EMCN: variants seen among roughly 807,000 people sequenced by gnomAD.
The protein encoded by EMCN is endomucin, also known as MUC-14.
In EMCN, 37 loss-of-function variants were observed where a neutral mutation model predicts 38.4. The ratio of observed to expected loss-of-function variants is 0.96; its 90% CI spans 0.74 to 1.27. EMCN has a LOEUF of 1.27. Among genes scored for constraint, EMCN ranks in the 50% most tolerant of loss-of-function variants. The probability of loss-of-function intolerance (pLI) is 0.00; values close to 1 mark genes in which losing one functional copy is unlikely to be tolerated. For missense variants in EMCN, 318 were observed against 302.8 expected (o/e 1.05, Z -0.37); for synonymous variants, 95 against 100.8 (o/e 0.94, Z 0.35).
At chr4:100,445,373 C>T (rs1456199554) in intron 5 of EMCN, among the ~76,000 whole-genome samples, 2 of 152,114 alleles carry the variant, frequency 1.3e-5, no homozygotes, top group African/African-American at 4.8e-5. Context: ...TACATAAAAT[C>T]ATCATCAATT....
chr4:100,444,250 C>G (rs552241377), intron 5 of EMCN, among the ~76,000 whole-genome samples: 1 of 152,326 alleles, frequency 6.6e-6, no homozygotes, highest in South Asian at 2.1e-4. Context: ...TGTGCCACAT[C>G]TGTCTGGCCC....
intron 1 of EMCN, among the ~76,000 whole-genome samples, chr4:100,483,681 C>T (rs559146327): frequency 2.0e-5 from 3 of 152,164 alleles, no homozygotes; most frequent in Admixed American, 2.0e-4. Flanking sequence ...CAACTGGAAA[C>T]TTTGTCTTAC....
intron 4 of EMCN, among the ~76,000 whole-genome samples, chr4:100,459,388 T>G (rs1241091075): frequency 6.6e-6 from 1 of 152,300 alleles, no homozygotes. Flanking sequence ...GATTAACATA[T>G]GATCTCACAT....
At chr4:100,448,796 C>T (rs59751000) in intron 4 of EMCN, among the ~76,000 whole-genome samples, 16,956 of 70,562 alleles carry the variant, frequency 0.24, 1,709 homozygotes, top group South Asian at 0.35. Context: ...GCCTTGAAGT[C>T]TTCCTTCCTT....
intron 5 of EMCN, among the ~76,000 whole-genome samples, chr4:100,446,765 C>A (rs1578200075): frequency 6.6e-6 from 1 of 152,104 alleles, no homozygotes; most frequent in South Asian, 2.1e-4. Context: ...AGGTAGACCC[C>A]AGTTTCTGTT....
At chr4:100,479,136 G>T (rs945974707) in intron 2 of EMCN, among the ~76,000 whole-genome samples, 1 of 152,016 alleles carries the variant, frequency 6.6e-6, no homozygotes, top group Non-Finnish European at 1.5e-5. Context: ...AAAATTAAGG[G>T]GGGAATAGAA....
chr4:100,451,176 C>T (rs1455495412), intron 4 of EMCN, among the ~76,000 whole-genome samples: 2 of 151,518 alleles, frequency 1.3e-5, no homozygotes, highest in African/African-American at 2.4e-5. Context: ...TTATGCCAAG[C>T]AAAACTGGTT....
intron 4 of EMCN, among the ~76,000 whole-genome samples, chr4:100,450,112 G>A (rs988956170): frequency 2.0e-5 from 3 of 151,954 alleles, no homozygotes; most frequent in Admixed American, 6.6e-5. Flanking sequence ...CATGAAACAT[G>A]TGTTTTTGGG....
At chr4:100,464,620 G>A (rs567104567) in intron 4 of EMCN, among the ~76,000 whole-genome samples, 3 of 152,036 alleles carry the variant, frequency 2.0e-5, no homozygotes, top group South Asian at 2.1e-4. Flanking sequence ...AGATTTTGTC[G>A]AATGCTCCTT....
intron 1 of EMCN, among the ~76,000 whole-genome samples, chr4:100,503,730 C>G (rs994293411): frequency 6.6e-6 from 1 of 152,014 alleles, no homozygotes; most frequent in Non-Finnish European, 1.5e-5. Flanking sequence ...CCATACCTGG[C>G]TTACTTTTGT....
At chr4:100,448,416 C>T (rs1432702371) in intron 4 of EMCN, among the ~76,000 whole-genome samples, 1 of 152,142 alleles carries the variant, frequency 6.6e-6, no homozygotes, top group Non-Finnish European at 1.5e-5. Flanking sequence ...GACTGTTATC[C>T]TGAAATCTGT....
At chr4:100,462,561 C>G (rs1403956980) in intron 4 of EMCN, among the ~76,000 whole-genome samples, 2 of 152,122 alleles carry the variant, frequency 1.3e-5, no homozygotes, top group African/African-American at 4.8e-5. Flanking sequence ...CTGCTATACA[C>G]TTTGCAGATA....
At chr4:100,500,412 T>C (rs1371771438) in intron 1 of EMCN, among the ~76,000 whole-genome samples, 1 of 152,042 alleles carries the variant, frequency 6.6e-6, no homozygotes, top group African/African-American at 2.4e-5. Flanking sequence ...AATGAATAAA[T>C]CTTAGCGAAA....
At chr4:100,514,435 G>A (rs1729704384) in intron 1 of EMCN, among the ~76,000 whole-genome samples, 1 of 151,982 alleles carries the variant, frequency 6.6e-6, no homozygotes, top group South Asian at 2.1e-4. Context: ...TCTCAGACTT[G>A]CAATGACAGT....
Position 100,473,373 on chromosome 4 carries a change from G to GTTTTTTTTTTTTTTTTTTT in EMCN, c.259+1664_259+1665insAAAAAAAAAAAAAAAAAAA, listed in dbSNP as rs1256284835. Among the ~76,000 whole-genome samples, 41 of 66,018 alleles carry GTTTTTTTTTTTTTTTTTTT rather than the reference G, an allele frequency of 6.2e-4. 1 individual carries two copies. The highest frequency in any genetic ancestry group is 9.2e-4 in the Non-Finnish European group (31 of 33,524). 43.3% of individuals were successfully genotyped at this position (66,018 alleles called of 152,430 possible). A position where few individuals can be genotyped will look rare whatever the true frequency, so the allele number is the denominator to read the frequency against. On this transcript the variant is annotated intron_variant, in intron 3 of 11. Transcript: ENST00000296420. ...GGCATTTCCCGTTTCGTGTTTTTTT[G>GTTTTTTTTTTTTTTTTTTT]TTTTTTTTTTTTGTTTTTTTTTTTG...
intron 4 of EMCN, among the ~76,000 whole-genome samples, chr4:100,453,530 T>C (rs1205927734): frequency 6.6e-6 from 1 of 152,166 alleles, no homozygotes; most frequent in Non-Finnish European, 1.5e-5. Context: ...CAACAGGTGC[T>C]GGAGAGGATG....
chr4:100,516,313 T>C (rs185920602), intron 1 of EMCN, among the ~76,000 whole-genome samples: 1 of 152,242 alleles, frequency 6.6e-6, no homozygotes, highest in Non-Finnish European at 1.5e-5. Context: ...TCCACTTTAC[T>C]TTCGGAAGAA....
intron 2 of EMCN, among the ~76,000 whole-genome samples, chr4:100,476,613 T>C (rs758825148): frequency 6.6e-6 from 1 of 152,224 alleles, no homozygotes; most frequent in Non-Finnish European, 1.5e-5. Context: ...ATAATTTTAT[T>C]CTCTGCAAAA....
intron 5 of EMCN, among the ~76,000 whole-genome samples, chr4:100,446,815 C>T (rs947832203): frequency 2.6e-5 from 4 of 152,108 alleles, no homozygotes; most frequent in African/African-American, 9.7e-5. Context: ...TCATCTAGAT[C>T]CCACTTGTAA....
Sources: allele counts gnomAD v4.1 joint callset (sites outside exome capture counted in the v4.1 genomes callset), GRCh38; gene constraint gnomAD v4.1.1; transcripts MANE v1.5; gene names NCBI Gene and HGNC (gene_info 2026-07-23, HGNC 2026-07-21).